The following KREMEN2 variants were observed in gnomAD, a reference collection of about 807,000 sequenced individuals.
The protein encoded by KREMEN2 is kremen protein 2.
KREMEN2 carries 43 observed loss-of-function variants against 49.8 expected under a neutral mutation model. That is an observed-to-expected ratio of 0.86 (90% CI 0.68 to 1.11). The LOEUF (loss-of-function observed/expected upper bound fraction) is 1.11, where lower values mean the gene tolerates loss of function less well. Ranked by LOEUF, KREMEN2 falls within the 50% of genes most tolerant of loss-of-function variation. The pLI, the probability that KREMEN2 is intolerant of heterozygous loss-of-function variation, is 0.00. For synonymous variants in KREMEN2, 355 were observed against 304.9 expected, an observed-to-expected ratio of 1.16 and a Z score of -1.71; for missense variants, 686 against 665.7, an observed-to-expected ratio of 1.03 and a Z score of -0.34.
Position 2,966,501 on chromosome 16 carries a change from C to T in KREMEN2, c.486+52C>T. ...ACCCCTGACCTGGACCTAAAGACCACACTCAACTCCCAACACTCGGTTGCC... is the reference window on the plus strand; with the variant it reads ...ACCCCTGACCTGGACCTAAAGACCATACTCAACTCCCAACACTCGGTTGCC... On this transcript the variant is annotated intron_variant, in intron 4 of 8. Transcript: ENST00000303746. This position sits in a 1 kb window ranked among gnomAD's most constrained non-coding sequence, Gnocchi z 8.4. 6.2e-7 allele frequency: 1 copy of T among 1,601,682 alleles called. No individual in the cohort carries two copies. The highest frequency in any genetic ancestry group is 8.5e-7 in the Non-Finnish European group (1 of 1,176,416).
intron 2 of KREMEN2, 117 bp downstream of exon 2, chr16:2,965,150 C>A: frequency 3.7e-6 from 1 of 267,662 alleles, no homozygotes; most frequent in South Asian, 5.2e-5. Flanking sequence ...AGCCCAGCCT[C>A]CTGGAGAACC....
Position 2,964,896 on chromosome 16 carries a change from CCG to C in KREMEN2, c.135_136del (p.Gly46ProfsTer45). 2 of 1,610,292 alleles carry C rather than the reference CCG, an allele frequency of 1.2e-6. No homozygotes were observed. The highest frequency in any genetic ancestry group is 1.7e-6 in the Non-Finnish European group (2 of 1,178,870). Reference sequence around the variant, plus strand: ...GCTTCCAGGTGAATGGGGCTGACTACCGCGGCCACCAGAACCGCACTGGCCCG... The same window carrying C: ...GCTTCCAGGTGAATGGGGCTGACTACCGGCCACCAGAACCGCACTGGCCCG... ...ECFQVNGADY[R>X]GHQNRTGPRG... On this transcript the variant is annotated frameshift_variant, in exon 2 of 9. Transcript: ENST00000303746. LOFTEE classifies it high-confidence loss of function.
At position 2,967,331 on chromosome 16, in the gene KREMEN2, G is replaced by C; in HGVS notation, c.985G>C (p.Ala329Pro). 7.1e-7 allele frequency: 1 copy of C among 1,398,712 alleles called. No individual in the cohort carries two copies. Among genetic ancestry groups the C allele is most frequent in the South Asian group, 1.6e-5 (1 of 63,112 alleles). The allele number at this position is 1,398,712 out of a possible 1,614,324, so 86.6% of individuals were successfully genotyped here. Residue 329 changes from alanine to proline, a missense_variant, in exon 7 of 9, where the codon GCC (alanine) becomes CCC (proline). Physicochemically the swap from Ala to Pro is conservative, Grantham distance 27. Transcript: ENST00000303746. ...FALTYRGLQDAAEDPEAPEGS... is the reference protein window; with the variant it reads ...FALTYRGLQDPAEDPEAPEGS... ...GCCCCTCTCCGCAGGGCTGCAGGAC[G>C]CCGCTGAGGACCCAGAGGCCCCCGA...
Position 2,966,398 on chromosome 16 carries a change from G to T in KREMEN2, c.435G>T (p.Thr145=), listed in dbSNP as rs764459804. ...TCAGCGGCCCCAGCGGCACCTCCAC[G>T]AAGCTCACGGTCCAGGTGTGCCTAC... is the stretch of plus-strand genomic sequence containing the variant. The part of the protein sequence containing the change: ...PALSGPSGTS[T]KLTVQVCLRF... The change falls in exon 4 of 9, where the codon ACG becomes ACT. Residue 145 remains threonine, a synonymous_variant. Transcript: ENST00000303746. The surrounding 1 kb of genome is among the most constrained non-coding windows in gnomAD (Gnocchi z 8.4). 2.5e-6 allele frequency: 4 copies of T among 1,611,280 alleles called. No homozygotes were observed. In the South Asian group the frequency reaches 4.4e-5, roughly 18 times the overall value.
At chr16:2,967,688 T>A (rs1025884553) in intron 8 of KREMEN2, 84 bp downstream of exon 8, 7 of 1,546,864 alleles carry the variant, frequency 4.5e-6, no homozygotes, top group Non-Finnish European at 6.1e-6. Flanking sequence ...AGGAAGGAAC[T>A]CCTGGGTTCT....
Position 2,967,565 on chromosome 16 carries a change from TGCTGCTGCTCCTGGG to T in KREMEN2, c.1148_1162del (p.Leu383_Leu387del). On this transcript the variant is annotated inframe_deletion, in exon 8 of 9. Transcript: ENST00000303746. ...ACGGTGACGGCTGTCTCGGTGCTGC[TGCTGCTGCTCCTGGG>T]GCTGCTGCGTCCGCTGCGCCGACGG... 1 of 1,531,932 alleles carries T rather than the reference TGCTGCTGCTCCTGGG, an allele frequency of 6.5e-7. No individual in the cohort carries two copies. The highest frequency in any genetic ancestry group is 8.7e-7 in the Non-Finnish European group (1 of 1,145,084). 94.9% of individuals were successfully genotyped at this position (1,531,932 alleles called of 1,614,324 possible).
Position 2,966,705 on chromosome 16 carries a change from C to T in KREMEN2, c.550C>T (p.Arg184Cys). 1 of 1,611,554 alleles carries T rather than the reference C, an allele frequency of 6.2e-7. No individual in the cohort carries two copies. Among genetic ancestry groups the T allele is most frequent in the Non-Finnish European group, 8.5e-7 (1 of 1,179,898 alleles). Reference protein sequence around the residue: ...CGSESDLARGRLAPATDCDQI... With the variant: ...CGSESDLARGCLAPATDCDQI... Reference sequence around the variant, plus strand: ...CTCTGAAAGCGACCTGGCCCGGGGACGCCTGGCCCCCGCCACCGACTGTGA... The same window carrying T: ...CTCTGAAAGCGACCTGGCCCGGGGATGCCTGGCCCCCGCCACCGACTGTGA... The change falls in exon 5 of 9, where the codon CGC (arginine) becomes TGC (cysteine). Residue 184 changes from arginine (R) to cysteine (C), a missense_variant. Transcript: ENST00000303746. This position sits in a 1 kb window ranked among gnomAD's most constrained non-coding sequence, Gnocchi z 8.4.
chr16:2,966,862 C>T lies in KREMEN2; in HGVS notation c.641-48C>T, dbSNP rs749797215. The stretch of plus-strand genomic sequence containing the variant: ...GGTGGGGCCTGGCCGGGCAGGGGAG[C>T]CGCCGTGTCCTGGTCCTCAGGATGC... On this transcript the variant is annotated intron_variant, in intron 5 of 8. Coordinates refer to ENST00000303746, the MANE Select transcript of KREMEN2 (RefSeq NM_172229.3). The surrounding 1 kb of genome is among the most constrained non-coding windows in gnomAD (Gnocchi z 8.4). The T allele has an allele frequency of 6.4e-7, 1 of 1,568,060 alleles. No homozygotes were observed. The highest frequency in any genetic ancestry group is 1.2e-5 in the South Asian group (1 of 86,062).
chr16:2,966,456 C>T lies in KREMEN2; in HGVS notation c.486+7C>T. Reference sequence around the variant, plus strand: ...CCGCATGAAGGGGTACCAGGTACTGCTCACGGGCCCAGACCAGTGACCCCT... The same window carrying T: ...CCGCATGAAGGGGTACCAGGTACTGTTCACGGGCCCAGACCAGTGACCCCT... On this transcript the variant is annotated splice_region_variant and intron_variant, in intron 4 of 8. Transcript: ENST00000303746. This position sits in a 1 kb window ranked among gnomAD's most constrained non-coding sequence, Gnocchi z 8.4. 2 of 1,609,678 alleles carry T rather than the reference C, an allele frequency of 1.2e-6. No homozygotes were observed. Among genetic ancestry groups the T allele is most frequent in the African/African-American group, 1.3e-5 (1 of 74,952 alleles).
chr16:2,964,676 G>C, intron 1 of KREMEN2, 62 bp downstream of exon 1: 1 of 1,475,040 alleles, frequency 6.8e-7, no homozygotes, highest in South Asian at 1.3e-5. Context: ...CCGCCCCCAG[G>C]GCCAGGCCCC....
At position 2,968,061 on chromosome 16, in the gene KREMEN2, A is replaced by G. The variant is rs2071877536; in HGVS notation, c.*41A>G. ...GTCCGCTGGGCCCGCCGCCGGCGAG[A>G]TGGACACCTGAGATGCTGTGCTGCG... is the stretch of plus-strand genomic sequence containing the variant. On this transcript the variant is annotated 3_prime_UTR_variant, in exon 9 of 9. Transcript: ENST00000303746. 5 of 1,509,906 alleles carry G rather than the reference A, an allele frequency of 3.3e-6. No individual in the cohort carries two copies. Among genetic ancestry groups the G allele is most frequent in the South Asian group, 1.2e-5 (1 of 83,516 alleles). 93.5% of individuals were successfully genotyped at this position (1,509,906 alleles called of 1,614,324 possible). A position where few individuals can be genotyped will look rare whatever the true frequency, so the allele number is the denominator to read the frequency against.
rs1193313622 is a variant in KREMEN2 at position 2,965,019 on chromosome 16, G to T, written c.255G>T (p.Ala85=). 1.9e-6 allele frequency: 3 copies of T among 1,546,702 alleles called. No homozygotes were observed. The highest frequency in any genetic ancestry group is 2.0e-5 in the Admixed American group (1 of 50,198). Residue 85 remains alanine (A), a synonymous_variant, in exon 2 of 9, where the codon GCG becomes GCT. Coordinates refer to ENST00000303746, the MANE Select transcript of KREMEN2 (RefSeq NM_172229.3). ...SDPHGRWGLG[A]HNFCRNPDGD... Reference sequence around the variant, plus strand: ...CCCACGGCCGCTGGGGGCTGGGCGCGCACAACTTCTGCCGGTGAGGGGCGG... The same window carrying T: ...CCCACGGCCGCTGGGGGCTGGGCGCTCACAACTTCTGCCGGTGAGGGGCGG...
At chr16:2,967,477 A>C in intron 7 of KREMEN2, 32 bp downstream of exon 7, 1 of 1,477,590 alleles carries the variant, frequency 6.8e-7, no homozygotes, top group Non-Finnish European at 8.9e-7. Flanking sequence ...GGAGTGAGTC[A>C]GGGAGCCGCC....
At chr16:2,967,631 G>A in intron 8 of KREMEN2, 27 bp downstream of exon 8, 4 of 1,533,432 alleles carry the variant, frequency 2.6e-6, no homozygotes, top group East Asian at 2.4e-5. Flanking sequence ...CAGGGCCTGA[G>A]GGCGGACCGG....
rs1007124801 is a variant in KREMEN2, at chr16:2,966,284, G to A, written c.362-41G>A. 2.5e-6 allele frequency: 4 copies of A among 1,613,182 alleles called. No individual in the cohort carries two copies. Among genetic ancestry groups the A allele is most frequent in the African/African-American group, 2.7e-5 (2 of 75,018 alleles). On this transcript the variant is annotated intron_variant, in intron 3 of 8. Coordinates refer to ENST00000303746, the MANE Select transcript of KREMEN2 (RefSeq NM_172229.3). This position sits in a 1 kb window ranked among gnomAD's most constrained non-coding sequence, Gnocchi z 8.4. ...GAACGCTGCTGCATCTGGGAGGAGG[G>A]TTGTTTTCGGAGTCACGGAAGTCTG... is the stretch of plus-strand genomic sequence containing the variant.
Position 2,967,929 on chromosome 16 carries a change from G to T in KREMEN2, c.1298G>T (p.Gly433Val). ...PRGVALPCSP[G>V]DPQAEGSAAG... ...GGGGTGGCCTTGCCCTGCTCCCCCG[G>T]GGACCCCCAGGCTGAGGGTTCTGCC... The change falls in exon 9 of 9, where the codon GGG becomes GTG. Residue 433 changes from glycine to valine, a missense_variant. Coordinates refer to ENST00000303746, the MANE Select transcript of KREMEN2 (RefSeq NM_172229.3). The T allele has an allele frequency of 6.3e-7, 1 of 1,580,270 alleles. No individual in the cohort carries two copies. Among genetic ancestry groups the T allele is most frequent in the East Asian group, 2.3e-5 (1 of 43,468 alleles).
rs762426768 is a variant in KREMEN2, at chr16:2,968,140, G to A, written c.*120G>A. 149 of 1,129,848 alleles carry A rather than the reference G, an allele frequency of 1.3e-4. No individual in the cohort carries two copies. Among genetic ancestry groups the A allele is most frequent in the Non-Finnish European group, 1.9e-4 (145 of 782,346 alleles). 70.0% of individuals were successfully genotyped at this position (1,129,848 alleles called of 1,614,324 possible). On this transcript the variant is annotated 3_prime_UTR_variant, in exon 9 of 9. Coordinates refer to ENST00000303746, the MANE Select transcript of KREMEN2 (RefSeq NM_172229.3). Reference sequence around the variant, plus strand: ...GGCAGCTCGGCCTCTGGTCGCCTTGGGGAGACCAAAAGTCGGACAGGAAAC... The same window carrying A: ...GGCAGCTCGGCCTCTGGTCGCCTTGAGGAGACCAAAAGTCGGACAGGAAAC...
At chr16:2,965,773 A>G (rs2071805534) in intron 2 of KREMEN2, among the ~76,000 whole-genome samples, 1 of 151,634 alleles carries the variant, frequency 6.6e-6, no homozygotes, top group Non-Finnish European at 1.5e-5. Context: ...TCGTCTCAAA[A>G]AAAAAAAAAA....
intron 1 of KREMEN2, 26 bp downstream of exon 1, chr16:2,964,640 C>G: frequency 6.5e-7 from 1 of 1,548,706 alleles, no homozygotes; most frequent in Non-Finnish European, 8.8e-7. Flanking sequence ...GCTGTCGGGC[C>G]GTGTTCACCA....
Sources: allele counts gnomAD v4.1 joint callset (sites outside exome capture counted in the v4.1 genomes callset), GRCh38; gene constraint gnomAD v4.1.1; non-coding constraint Gnocchi (gnomAD v3.1); transcripts MANE v1.5; gene names NCBI Gene and HGNC (gene_info 2026-07-23, HGNC 2026-07-21).